Variants in SLC8A1 observed in about 807,000 individuals in gnomAD.
SLC8A1 encodes solute carrier family 8 member A1.
Under a neutral mutation model 68.3 loss-of-function variants are expected in SLC8A1, and 18 were observed. The ratio of observed to expected loss-of-function variants is 0.26; its 90% CI spans 0.18 to 0.39. The LOEUF (loss-of-function observed/expected upper bound fraction) is 0.39, where lower values mean the gene tolerates loss of function less well. Ranked by LOEUF, SLC8A1 falls within the 10% of genes least tolerant of loss-of-function variation. The pLI is 1.00. For missense variants in SLC8A1, 985 were observed against 1,156.7 expected, an observed-to-expected ratio of 0.85 and a Z score of 2.15; for synonymous variants, 475 against 415.5, an observed-to-expected ratio of 1.14 and a Z score of -1.74.
intron 1 of SLC8A1, among the ~76,000 whole-genome samples, chr2:40,482,161 G>A (rs1199852248): frequency 6.6e-6 from 1 of 152,100 alleles, no homozygotes; most frequent in Non-Finnish European, 1.5e-5. Context: ...GTTGACTATA[G>A]CTACACCAAG....
chr2:40,340,743 C>G (rs1667432318), intron 2 of SLC8A1, among the ~76,000 whole-genome samples: 1 of 152,134 alleles, frequency 6.6e-6, no homozygotes, highest in Non-Finnish European at 1.5e-5. Flanking sequence ...GAATCTGTTT[C>G]TTGCTAAATT....
intron 5 of SLC8A1, among the ~76,000 whole-genome samples, chr2:40,164,295 G>C (rs572199698): frequency 1.3e-5 from 2 of 152,288 alleles, no homozygotes; most frequent in South Asian, 4.2e-4. Context: ...AATTTTATCA[G>C]CTCAACTGTA....
intron 1 of SLC8A1, among the ~76,000 whole-genome samples, chr2:40,477,027 C>G (rs1188773153): frequency 1.3e-5 from 2 of 152,054 alleles, no homozygotes; most frequent in East Asian, 3.9e-4. Flanking sequence ...CTGGAAAATA[C>G]AGGAATTATT....
chr2:40,457,163 G>A (rs1703070964), intron 1 of SLC8A1, among the ~76,000 whole-genome samples: 1 of 152,040 alleles, frequency 6.6e-6, no homozygotes, highest in African/African-American at 2.4e-5. Context: ...TTTATTAACT[G>A]GGAACTTTTT....
chr2:40,473,022 C>A (rs1417798541), intron 1 of SLC8A1, among the ~76,000 whole-genome samples: 1 of 150,984 alleles, frequency 6.6e-6, no homozygotes, highest in Non-Finnish European at 1.5e-5. Context: ...AGGAGGGTAA[C>A]CTGAGAGCAG....
intron 2 of SLC8A1, among the ~76,000 whole-genome samples, chr2:40,241,049 GC>G: frequency 6.6e-6 from 1 of 152,240 alleles, no homozygotes; most frequent in Non-Finnish European, 1.5e-5. Context: ...ACATGGACTT[GC>G]ACGTTCATCA....
intron 2 of SLC8A1, among the ~76,000 whole-genome samples, chr2:40,374,143 A>T (rs1250187633): frequency 2.0e-5 from 3 of 152,140 alleles, no homozygotes; most frequent in East Asian, 3.9e-4. Flanking sequence ...AGAGCTCTTT[A>T]AAGCCAAAAG....
intron 2 of SLC8A1, among the ~76,000 whole-genome samples, chr2:40,293,967 G>A (rs1190717214): frequency 6.6e-6 from 1 of 152,142 alleles, no homozygotes; most frequent in Non-Finnish European, 1.5e-5. Context: ...TAGTGAGTTT[G>A]GAGTATAGAA....
intron 2 of SLC8A1, among the ~76,000 whole-genome samples, chr2:40,398,196 C>T (rs1687587933): frequency 1.3e-5 from 2 of 152,210 alleles, no homozygotes; most frequent in African/African-American, 2.4e-5. Flanking sequence ...AGAAGTACAA[C>T]GTGCCTTGGT....
At chr2:40,303,301 C>T (rs1008898638) in intron 2 of SLC8A1, among the ~76,000 whole-genome samples, 3 of 152,206 alleles carry the variant, frequency 2.0e-5, no homozygotes, top group Non-Finnish European at 4.4e-5. Flanking sequence ...AGAGTTATTA[C>T]CCGCTTAGTT....
At chr2:40,375,793 G>A (rs1455291492) in intron 2 of SLC8A1, among the ~76,000 whole-genome samples, 2 of 151,986 alleles carry the variant, frequency 1.3e-5, no homozygotes, top group African/African-American at 2.4e-5. Context: ...GCTTGAGCTC[G>A]AAAGTTGAAG....
intron 2 of SLC8A1, among the ~76,000 whole-genome samples, chr2:40,186,948 A>G (rs1345020928): frequency 6.6e-6 from 1 of 152,226 alleles, no homozygotes; most frequent in African/African-American, 2.4e-5. Context: ...TATTTTGTAA[A>G]GAGCTAATGA....
intron 5 of SLC8A1, among the ~76,000 whole-genome samples, chr2:40,163,498 C>A (rs1398467834): frequency 1.3e-5 from 2 of 152,182 alleles, no homozygotes; most frequent in East Asian, 3.9e-4. Flanking sequence ...AGGTTGAACA[C>A]ACATGGAGAA....
At chr2:40,336,743 T>C (rs1190554199) in intron 2 of SLC8A1, among the ~76,000 whole-genome samples, 1 of 152,166 alleles carries the variant, frequency 6.6e-6, no homozygotes, top group Non-Finnish European at 1.5e-5. Context: ...GATGCCTTAA[T>C]ATTTTTATTC....
chr2:40,429,268 G>C (rs1697689000), exon 2 of SLC8A1: 2 of 1,613,774 alleles, frequency 1.2e-6, no homozygotes, highest in African/African-American at 2.7e-5. Context: ...TTCTTTATCT[G>C]GATGCTTCTG....
At chr2:40,127,161 T>A (rs79030842) in intron 7 of SLC8A1, among the ~76,000 whole-genome samples, 1 of 152,318 alleles carries the variant, frequency 6.6e-6, no homozygotes, top group South Asian at 2.1e-4. Flanking sequence ...ATACAGTGTT[T>A]CATTGTGAAT....
chr2:40,142,094 T>TATC (rs1022673952), intron 6 of SLC8A1, among the ~76,000 whole-genome samples: 89 of 152,334 alleles, frequency 5.8e-4, no homozygotes, highest in African/African-American at 2.0e-3. Context: ...AGCCTCTCTA[T>TATC]ATCATGACGT....
At chr2:40,160,006 T>A (rs1309613466) in intron 6 of SLC8A1, among the ~76,000 whole-genome samples, 3 of 152,114 alleles carry the variant, frequency 2.0e-5, no homozygotes, top group Non-Finnish European at 2.9e-5. Context: ...CCTGGAGGGA[T>A]CTTTAAAGAG....
chr2:40,457,887 C>T (rs1559744396), intron 1 of SLC8A1, among the ~76,000 whole-genome samples: 1 of 152,166 alleles, frequency 6.6e-6, no homozygotes, highest in East Asian at 1.9e-4. Context: ...TGGTTACTCT[C>T]ATTTTACAGA....
Sources: gnomAD v4.1 joint callset for allele counts (sites outside exome capture counted in the v4.1 genomes callset) on GRCh38, gnomAD v4.1.1 for gene constraint, MANE v1.5 for transcripts, NCBI Gene and HGNC (gene_info 2026-07-23, HGNC 2026-07-21) for gene names.